ATXN1: variants seen among roughly 807,000 people sequenced by gnomAD.
The protein encoded by ATXN1 is ataxin 1, also known as ataxin-1.
In ATXN1, 8 loss-of-function variants were observed where a neutral mutation model predicts 56.4. That is an observed-to-expected ratio of 0.14 (90% CI 0.08 to 0.26). The LOEUF (loss-of-function observed/expected upper bound fraction) is 0.26, where lower values mean the gene tolerates loss of function less well. ATXN1 is among the 10% of genes least tolerant of loss of function. The pLI, the probability that ATXN1 is intolerant of heterozygous loss-of-function variation, is 1.00. For missense variants in ATXN1, 987 were observed against 1,106.5 expected (o/e 0.89, Z 1.53); for synonymous variants, 514 against 494.6 (o/e 1.04, Z -0.52).
intron 6 of ATXN1, among the ~76,000 whole-genome samples, chr6:16,443,101 A>C (rs567445908): frequency 6.6e-6 from 1 of 151,566 alleles, no homozygotes; most frequent in Admixed American, 6.6e-5. Context: ...AGGATTGCTT[A>C]AGCCTAAGAG....
At chr6:16,495,358 G>A (rs539749078) in intron 5 of ATXN1, among the ~76,000 whole-genome samples, 14 of 152,128 alleles carry the variant, frequency 9.2e-5, no homozygotes, top group Non-Finnish European at 1.5e-4. Flanking sequence ...TACCAAACGG[G>A]GAGTGAAGAT....
At chr6:16,408,097 G>A (rs1021728856) in intron 6 of ATXN1, among the ~76,000 whole-genome samples, 1 of 152,120 alleles carries the variant, frequency 6.6e-6, no homozygotes, top group Non-Finnish European at 1.5e-5. Flanking sequence ...GGGGAGGGGT[G>A]CAGGAAGAGA....
At chr6:16,494,621 T>C (rs1190490196) in intron 5 of ATXN1, among the ~76,000 whole-genome samples, 1 of 152,216 alleles carries the variant, frequency 6.6e-6, no homozygotes, top group East Asian at 1.9e-4. Context: ...CATCTCCTTA[T>C]GGACGTAGTG....
At chr6:16,492,699 C>T (rs1205186852) in intron 5 of ATXN1, among the ~76,000 whole-genome samples, 1 of 151,886 alleles carries the variant, frequency 6.6e-6, no homozygotes, top group African/African-American at 2.4e-5. Flanking sequence ...TTTTTGCTCT[C>T]TCTGTTCTTT....
rs1282174749 is a variant in ATXN1, at chr6:16,300,793, C to G, written c.*5536G>C. ...TAGGAACAGGAAGTGCTGAAAATGTCAAACATCATCTCTGAAGAAAAAGAA... is the reference window on the plus strand; with the variant it reads ...TAGGAACAGGAAGTGCTGAAAATGTGAAACATCATCTCTGAAGAAAAAGAA... On this transcript the variant is annotated 3_prime_UTR_variant, in exon 8 of 8. Transcript: ENST00000436367. 6.6e-6 allele frequency: 1 copy of G among 152,498 alleles called. No individual in the cohort carries two copies. The highest frequency in any genetic ancestry group is 2.4e-5 in the African/African-American group (1 of 41,400). The allele number at this position is 152,498 out of a possible 1,614,324, so 9.4% of individuals were successfully genotyped here. A position where few individuals can be genotyped will look rare whatever the true frequency, so the allele number is the denominator to read the frequency against.
intron 3 of ATXN1, among the ~76,000 whole-genome samples, chr6:16,592,376 C>T (rs1169674214): frequency 6.6e-6 from 1 of 152,154 alleles, no homozygotes; most frequent in Non-Finnish European, 1.5e-5. Context: ...GCCTGGCTGC[C>T]TAACATATTA....
Position 16,760,782 on chromosome 6 carries a change from G to A in ATXN1, c.-730+516C>T, listed in dbSNP as rs898213489. 6.6e-6 allele frequency among the ~76,000 whole-genome samples: 1 copy of A among 151,280 alleles called. No individual in the cohort carries two copies. The highest frequency in any genetic ancestry group is 1.5e-5 in the Non-Finnish European group (1 of 67,692). On this transcript the variant is annotated intron_variant, in intron 1 of 7. Coordinates refer to ENST00000436367, the MANE Select transcript of ATXN1 (RefSeq NM_001128164.2). This position sits in a 1 kb window ranked among gnomAD's most constrained non-coding sequence, Gnocchi z 5.3. Reference sequence around the variant, plus strand: ...TCTCCGGGGAGGAGGAATGGGAAGAGGGCGGCCGGGAAAGGGACCACCCCC... The same window carrying A: ...TCTCCGGGGAGGAGGAATGGGAAGAAGGCGGCCGGGAAAGGGACCACCCCC...
intron 6 of ATXN1, among the ~76,000 whole-genome samples, chr6:16,443,987 G>T (rs1266279372): frequency 1.3e-5 from 2 of 151,960 alleles, no homozygotes; most frequent in Non-Finnish European, 2.9e-5. Flanking sequence ...GTGGTGGCGG[G>T]CGCCTGTAGT....
intron 5 of ATXN1, among the ~76,000 whole-genome samples, chr6:16,499,226 G>T (rs769892428): frequency 3.9e-5 from 6 of 152,166 alleles, no homozygotes; most frequent in Non-Finnish European, 7.4e-5. Context: ...TGTCCCAGGT[G>T]ACTTTTTCCA....
chr6:16,546,288 A>C lies in ATXN1; in HGVS notation c.-360-23600T>G, dbSNP rs1419509808. ...TCCCAGAACTGTAATTTCATCCCTA[A>C]GTATTTCATTAGGAACCATAGAATT... On this transcript the variant is annotated intron_variant, in intron 4 of 7. Coordinates refer to ENST00000436367, the MANE Select transcript of ATXN1 (RefSeq NM_001128164.2). Among the ~76,000 whole-genome samples, 3 of 152,332 alleles carry C rather than the reference A, an allele frequency of 2.0e-5. No individual in the cohort carries two copies. The East Asian group carries it at 5.8e-4, about 29-fold the overall frequency.
chr6:16,642,836 T>A (rs1040722553), intron 3 of ATXN1, among the ~76,000 whole-genome samples: 1 of 152,254 alleles, frequency 6.6e-6, no homozygotes, highest in African/African-American at 2.4e-5. Context: ...TACTTTTGTT[T>A]AGACAAAATG....
At chr6:16,674,928 T>C (rs1758628571) in intron 2 of ATXN1, among the ~76,000 whole-genome samples, 1 of 152,222 alleles carries the variant, frequency 6.6e-6, no homozygotes, top group Non-Finnish European at 1.5e-5. Flanking sequence ...AGATCCTGTT[T>C]TGTGTAGTTC....
chr6:16,632,366 C>T (rs2113811512), intron 3 of ATXN1, among the ~76,000 whole-genome samples: 1 of 152,332 alleles, frequency 6.6e-6, no homozygotes, highest in Middle Eastern at 3.4e-3. Context: ...GACTTAGAGC[C>T]TGCTAAATGA....
intron 5 of ATXN1, among the ~76,000 whole-genome samples, chr6:16,496,565 C>T (rs947478860): frequency 6.6e-6 from 1 of 152,056 alleles, no homozygotes; most frequent in Non-Finnish European, 1.5e-5. Flanking sequence ...TCATGAAGGA[C>T]CCTGTACTCC....
At chr6:16,583,353 TTTTCC>T (rs1280532391) in intron 4 of ATXN1, among the ~76,000 whole-genome samples, 3 of 152,202 alleles carry the variant, frequency 2.0e-5, no homozygotes, top group Non-Finnish European at 4.4e-5. Flanking sequence ...CTTTGACCAC[TTTTCC>T]TTTCACTTTT....
chr6:16,719,309 G>T (rs769200263), intron 2 of ATXN1, among the ~76,000 whole-genome samples: 1 of 152,168 alleles, frequency 6.6e-6, no homozygotes. Flanking sequence ...GGAAGAAAGA[G>T]CAACTTTATT....
rs1013941440 is a variant in ATXN1, at chr6:16,302,252, C to T, written c.*4077G>A. ...CCTGAGAAAGAGGTGTGAAAGGTTC[C>T]GCAGAGTCCCTTTAGGGGAGAAGGA... On this transcript the variant is annotated 3_prime_UTR_variant, in exon 8 of 8. Transcript: ENST00000436367. 6.6e-6 allele frequency: 1 copy of T among 152,392 alleles called. No individual in the cohort carries two copies. Among genetic ancestry groups the T allele is most frequent in the Non-Finnish European group, 1.5e-5 (1 of 68,064 alleles). The allele number at this position is 152,392 out of a possible 1,614,324, so 9.4% of individuals were successfully genotyped here. A position where few individuals can be genotyped will look rare whatever the true frequency, so the allele number is the denominator to read the frequency against.
intron 6 of ATXN1, among the ~76,000 whole-genome samples, chr6:16,354,625 G>A (rs1391762792): frequency 2.0e-5 from 3 of 152,216 alleles, no homozygotes; most frequent in Non-Finnish European, 2.9e-5. Flanking sequence ...AAACAAAATC[G>A]AGTCCTTTTA....
intron 2 of ATXN1, among the ~76,000 whole-genome samples, chr6:16,668,615 C>A (rs1019721944): frequency 1.3e-5 from 2 of 151,846 alleles, no homozygotes; most frequent in Non-Finnish European, 2.9e-5. Flanking sequence ...TGTCCTACTG[C>A]AAACTGAAAT....
Sources: gnomAD v4.1 joint callset for allele counts (sites outside exome capture counted in the v4.1 genomes callset) on GRCh38, gnomAD v4.1.1 for gene constraint, Gnocchi (gnomAD v3.1) non-coding constraint, MANE v1.5 for transcripts, NCBI Gene and HGNC (gene_info 2026-07-23, HGNC 2026-07-21) for gene names.